FAM98C: variants seen among roughly 807,000 people sequenced by gnomAD.
The protein encoded by FAM98C is tRNA splicing ligase complex subunit 3C, also known as protein FAM98C.
In FAM98C, 38 loss-of-function variants were observed where a neutral mutation model predicts 41.1. The observed-to-expected ratio is 0.92, with a 90% CI of 0.71 to 1.21. The LOEUF (loss-of-function observed/expected upper bound fraction) is 1.21, where lower values mean the gene tolerates loss of function less well. Ranked by LOEUF, FAM98C falls within the 50% of genes most tolerant of loss-of-function variation. FAM98C has a pLI of 0.00. For missense variants in FAM98C, 493 were observed against 484.7 expected, an observed-to-expected ratio of 1.02 and a Z score of -0.16; for synonymous variants, 195 against 216.7, an observed-to-expected ratio of 0.90 and a Z score of 0.88.
Position 38,406,920 on chromosome 19 carries a change from A to G in FAM98C, c.761A>G (p.Glu254Gly), listed in dbSNP as rs1221832707. 4 of 1,613,800 alleles carry G rather than the reference A, an allele frequency of 2.5e-6. No homozygotes were observed. The highest frequency in any genetic ancestry group is 3.4e-6 in the Non-Finnish European group (4 of 1,179,888). Residue 254 changes from glutamate (E) to glycine (G), a missense_variant, in exon 7 of 8, where the codon GAG becomes GGG. Physicochemically the swap from Glu to Gly is moderately conservative, Grantham distance 98. Transcript: ENST00000252530. ...TCCTCCCCACTCCAGGCCCAAGGAG[A>G]GGCCATGAGGGCAGTGCTGATCCCA... is the stretch of plus-strand genomic sequence containing the variant. ...HWSDRAEAQG[E>G]AMRAVLIPIR... is the part of the protein sequence containing the mutation.
chr19:38,408,601 C>CA, intron 7 of FAM98C, 150 bp from the exon 8 acceptor site: 1 of 936,316 alleles, frequency 1.1e-6, no homozygotes, highest in South Asian at 1.5e-5. Flanking sequence ...TAGTATCTTC[C>CA]ACCAGTTCAG....
In FAM98C at chr19:38,405,430, G is replaced by A; in HGVS notation, c.633+9G>A. On this transcript the variant is annotated intron_variant, in intron 5 of 7. Transcript: ENST00000252530. ...TAGATGCACCCAGATGGGTAAGACT[G>A]TGTGCGACTGACTGAATGTGAACTG... is the stretch of plus-strand genomic sequence containing the variant. 6.2e-7 allele frequency: 1 copy of A among 1,614,128 alleles called. No individual in the cohort carries two copies. The highest frequency in any genetic ancestry group is 8.5e-7 in the Non-Finnish European group (1 of 1,179,978).
rs772121849 is a variant in FAM98C at position 38,408,904 on chromosome 19, CG to C, written c.*28del. Reference sequence around the variant, plus strand: ...GTAAAGGGGGACTGGTGGTCGGGGGCGGGGGGTCCTCCATGAGATGCTAATG... The same window carrying C: ...GTAAAGGGGGACTGGTGGTCGGGGGCGGGGGTCCTCCATGAGATGCTAATG... On this transcript the variant is annotated 3_prime_UTR_variant, in exon 8 of 8. Coordinates refer to ENST00000252530, the MANE Select transcript of FAM98C (RefSeq NM_174905.4). 6.5e-7 allele frequency: 1 copy of C among 1,529,592 alleles called. No homozygotes were observed. Among genetic ancestry groups the C allele is most frequent in the Non-Finnish European group, 8.8e-7 (1 of 1,140,252 alleles). 94.8% of individuals were successfully genotyped at this position (1,529,592 alleles called of 1,614,324 possible). A position where few individuals can be genotyped will look rare whatever the true frequency, so the allele number is the denominator to read the frequency against.
chr19:38,405,314 C>T, intron 4 of FAM98C, 30 bp from the exon 5 acceptor site: 3 of 1,610,074 alleles, frequency 1.9e-6, no homozygotes, highest in South Asian at 1.1e-5. Flanking sequence ...CTCTCTGCCC[C>T]AGTTGGCCTC....
In FAM98C at chr19:38,408,908, G is replaced by A. The variant is rs3745964; in HGVS notation, c.*26G>A. Reference sequence around the variant, plus strand: ...AGGGGGACTGGTGGTCGGGGGCGGGGGGTCCTCCATGAGATGCTAATGCTA... The same window carrying A: ...AGGGGGACTGGTGGTCGGGGGCGGGAGGTCCTCCATGAGATGCTAATGCTA... On this transcript the variant is annotated 3_prime_UTR_variant, in exon 8 of 8. Transcript: ENST00000252530. 0.091 allele frequency: 140,113 copies of A among 1,540,804 alleles called. 6,779 individuals are homozygous for A. Among genetic ancestry groups the A allele is most frequent in the Admixed American group, 0.15 (6,771 of 46,472 alleles).
chr19:38,408,382 AC>A (rs1315262563), intron 7 of FAM98C: 4 of 209,272 alleles, frequency 1.9e-5, no homozygotes, highest in Non-Finnish European at 3.9e-5. Context: ...ACACGGTGAA[AC>A]CCTGTCTCTA....
At position 38,403,621 on chromosome 19, in the gene FAM98C, CCCGGA is replaced by C; in HGVS notation, c.277_281del (p.Pro93SerfsTer46). On this transcript the variant is annotated frameshift_variant, in exon 3 of 8. Coordinates refer to ENST00000252530, the MANE Select transcript of FAM98C (RefSeq NM_174905.4). LOFTEE classifies it high-confidence loss of function. ...GCAGCCTGCTGCGGGAGCTGCACTG[CCCGGA>C]TCGCGCGCTCTGCGGCGGGGATGGC... The C allele has an allele frequency of 6.9e-7, 1 of 1,458,666 alleles. No homozygotes were observed. The highest frequency in any genetic ancestry group is 8.9e-7 in the Non-Finnish European group (1 of 1,118,048). 90.4% of individuals were successfully genotyped at this position (1,458,666 alleles called of 1,614,324 possible). A position where few individuals can be genotyped will look rare whatever the true frequency, so the allele number is the denominator to read the frequency against.
At chr19:38,404,662 C>T (rs1971013349) in intron 3 of FAM98C, 1 of 429,186 alleles carries the variant, frequency 2.3e-6, no homozygotes, top group Admixed American at 3.5e-5. Context: ...TCCCGAGTAG[C>T]TGGGATTACA....
In FAM98C at chr19:38,403,642, C is replaced by A; in HGVS notation, c.297C>A (p.Gly99=). ...ACTGCCCGGATCGCGCGCTCTGCGGCGGGGATGGCGCGGCTGCGCTTCGGG... is the reference window on the plus strand; with the variant it reads ...ACTGCCCGGATCGCGCGCTCTGCGGAGGGGATGGCGCGGCTGCGCTTCGGG... ...ELHCPDRALC[G]GDGAAALREP... is the part of the protein sequence containing the mutation. The change falls in exon 3 of 8, where the codon GGC becomes GGA. Residue 99 remains glycine, a synonymous_variant. Transcript: ENST00000252530. 7.1e-7 allele frequency: 1 copy of A among 1,416,008 alleles called. No homozygotes were observed. Among genetic ancestry groups the A allele is most frequent in the Non-Finnish European group, 9.1e-7 (1 of 1,095,068 alleles). The allele number at this position is 1,416,008 out of a possible 1,614,324, so 87.7% of individuals were successfully genotyped here. A position where few individuals can be genotyped will look rare whatever the true frequency, so the allele number is the denominator to read the frequency against.
In FAM98C at chr19:38,405,415, C is replaced by T. The variant is rs1971024817; in HGVS notation, c.627C>T (p.Pro209=). ...QPLLSCSLDA[P]RWEALESLSQ... ...TCCTCAGCTGCTCGCTAGATGCACC[C>T]AGATGGGTAAGACTGTGTGCGACTG... The change falls in exon 5 of 8, where the codon CCC becomes CCT. Residue 209 remains proline, a synonymous_variant. Transcript: ENST00000252530. 2 of 1,614,066 alleles carry T rather than the reference C, an allele frequency of 1.2e-6. No individual in the cohort carries two copies. The highest frequency in any genetic ancestry group is 1.7e-5 in the Admixed American group (1 of 60,006).
intron 6 of FAM98C, 162 bp from the exon 7 acceptor site, chr19:38,406,748 A>G (rs2145176954): frequency 1.4e-6 from 1 of 715,548 alleles, no homozygotes; most frequent in Non-Finnish European, 2.2e-6. Flanking sequence ...TCACGCCACC[A>G]CACTCCAGGC....
chr19:38,407,301 T>C (rs77599951), intron 7 of FAM98C: 18,204 of 528,060 alleles, frequency 0.034, 341 homozygotes, highest in African/African-American at 0.051. Context: ...ATTTACTGAG[T>C]CCCTGGCTAC....
At chr19:38,404,792 G>A in intron 3 of FAM98C, 116 bp from the exon 4 acceptor site, 1 of 1,128,414 alleles carries the variant, frequency 8.9e-7, no homozygotes, top group Non-Finnish European at 1.3e-6. Flanking sequence ...GCCTCCCAAA[G>A]TGCTGGGATT....
chr19:38,407,034 C>T lies in FAM98C; in HGVS notation c.875C>T (p.Thr292Ile). ...RADLSCLVPA[T>I]SVAVRRGTCC... ...GACCTGTCTTGTCTCGTCCCAGCCA[C>T]CAGCGTGGCTGTCCGCAGAGGGACC... Residue 292 changes from threonine to isoleucine, a missense_variant, in exon 7 of 8, where the codon ACC becomes ATC. Physicochemically the swap from Thr to Ile is moderately conservative, Grantham distance 89. Coordinates refer to ENST00000252530, the MANE Select transcript of FAM98C (RefSeq NM_174905.4). 6.2e-7 allele frequency: 1 copy of T among 1,614,154 alleles called. No individual in the cohort carries two copies. The highest frequency in any genetic ancestry group is 8.5e-7 in the Non-Finnish European group (1 of 1,180,040).
Position 38,403,188 on chromosome 19 carries a change from C to G in FAM98C, c.35C>G (p.Ala12Gly). The change falls in exon 1 of 8, where the codon GCC (alanine) becomes GGC (glycine). Residue 12 changes from alanine to glycine, a missense_variant. By Grantham distance (60) the Ala-to-Gly change is moderately conservative. Coordinates refer to ENST00000252530, the MANE Select transcript of FAM98C (RefSeq NM_174905.4). ...GTGAAGGCGGAAGCGTGGGAGGGGG[C>G]CGCGGTGGCCCAGGACCTGCTGGCT... ...EAVKAEAWEGAAVAQDLLALG... is the reference protein window; with the variant it reads ...EAVKAEAWEGGAVAQDLLALG... 1 of 1,537,908 alleles carries G rather than the reference C, an allele frequency of 6.5e-7. No individual in the cohort carries two copies.
chr19:38,403,334 A>G lies in FAM98C; in HGVS notation c.66-4A>G, dbSNP rs1970991549. 3.3e-6 allele frequency: 5 copies of G among 1,496,920 alleles called. No homozygotes were observed. The highest frequency in any genetic ancestry group is 3.5e-6 in the Non-Finnish European group (4 of 1,137,036). The allele number at this position is 1,496,920 out of a possible 1,614,324, so 92.7% of individuals were successfully genotyped here. A position where few individuals can be genotyped will look rare whatever the true frequency, so the allele number is the denominator to read the frequency against. On this transcript the variant is annotated splice_region_variant and splice_polypyrimidine_tract_variant and intron_variant, in intron 1 of 7. Coordinates refer to ENST00000252530, the MANE Select transcript of FAM98C (RefSeq NM_174905.4). ...GCCCCCTCCCGCTGCCTCGGTCCCC[A>G]CAGGTATGGAGGTGTCCCGGGGGCG...
rs1971021350 is a variant in FAM98C, at chr19:38,405,176, C to T, written c.555+63C>T. 3.2e-6 allele frequency: 5 copies of T among 1,554,622 alleles called. No individual in the cohort carries two copies. The Admixed American group carries it at 9.1e-5, about 28-fold the overall frequency. ...CACTTTCCTTGTGGGGGTGGGGGTCCTCTCTCCACTTCTGGAAGGAGTATT... is the reference window on the plus strand; with the variant it reads ...CACTTTCCTTGTGGGGGTGGGGGTCTTCTCTCCACTTCTGGAAGGAGTATT... On this transcript the variant is annotated intron_variant, in intron 4 of 7. Transcript: ENST00000252530.
At position 38,403,335 on chromosome 19, in the gene FAM98C, C is replaced by G; in HGVS notation, c.66-3C>G. 1.3e-6 allele frequency: 2 copies of G among 1,497,826 alleles called. No individual in the cohort carries two copies. The highest frequency in any genetic ancestry group is 1.8e-6 in the Non-Finnish European group (2 of 1,137,416). The allele number at this position is 1,497,826 out of a possible 1,614,324, so 92.8% of individuals were successfully genotyped here. A position where few individuals can be genotyped will look rare whatever the true frequency, so the allele number is the denominator to read the frequency against. Reference sequence around the variant, plus strand: ...CCCCCTCCCGCTGCCTCGGTCCCCACAGGTATGGAGGTGTCCCGGGGGCGG... The same window carrying G: ...CCCCCTCCCGCTGCCTCGGTCCCCAGAGGTATGGAGGTGTCCCGGGGGCGG... On this transcript the variant is annotated splice_region_variant and splice_polypyrimidine_tract_variant and intron_variant, in intron 1 of 7. Coordinates refer to ENST00000252530, the MANE Select transcript of FAM98C (RefSeq NM_174905.4).
intron 3 of FAM98C, among the ~76,000 whole-genome samples, chr19:38,404,424 C>T (rs975821518): frequency 2.6e-5 from 4 of 152,108 alleles, no homozygotes; most frequent in Admixed American, 2.0e-4. Flanking sequence ...TGGTCTTCAA[C>T]TCCTGGCTTC....
Sources: allele counts gnomAD v4.1 joint callset (sites outside exome capture counted in the v4.1 genomes callset), GRCh38; gene constraint gnomAD v4.1.1; transcripts MANE v1.5; gene names NCBI Gene and HGNC (gene_info 2026-07-23, HGNC 2026-07-21).